HMBOX1: variants seen among roughly 807,000 people sequenced by gnomAD.
HMBOX1 encodes the protein homeobox-containing protein 1.
In HMBOX1, 14 loss-of-function variants were observed where a neutral mutation model predicts 54.5. The observed-to-expected ratio is 0.26, with a 90% confidence interval of 0.17 to 0.40. The LOEUF is 0.40. Among genes scored for constraint, HMBOX1 ranks in the 10% least tolerant of loss-of-function variants. HMBOX1 has a pLI of 1.00. For synonymous variants in HMBOX1, 160 were observed against 181.0 expected, an observed-to-expected ratio of 0.88 and a Z score of 0.93; for missense variants, 332 against 514.4, an observed-to-expected ratio of 0.65 and a Z score of 3.43.
chr8:29,044,240 T>G (rs1805258040), intron 6 of HMBOX1, among the ~76,000 whole-genome samples: 1 of 152,028 alleles, frequency 6.6e-6, no homozygotes, highest in Non-Finnish European at 1.5e-5. Flanking sequence ...GCTGAAGGCA[T>G]AAGAAAGGCT....
chr8:28,970,273 C>T lies in HMBOX1; in HGVS notation c.254C>T (p.Thr85Ile). 1.2e-6 allele frequency: 2 copies of T among 1,614,208 alleles called. No homozygotes were observed. Among genetic ancestry groups the T allele is most frequent in the Non-Finnish European group, 8.5e-7 (1 of 1,180,008 alleles). Residue 85 changes from threonine to isoleucine, a missense_variant, in exon 3 of 10, where the codon ACA becomes ATA. Transcript: ENST00000287701. The surrounding 1 kb of genome is among the most constrained non-coding windows in gnomAD (Gnocchi z 4.3). ...STNNVPASSSTATASTQTQHS... is the reference protein window; with the variant it reads ...STNNVPASSSIATASTQTQHS... ...AACAATGTCCCAGCATCTTCCTCTA[C>T]AGCTACAGCTTCCACACAGACGCAG...
intron 1 of HMBOX1, among the ~76,000 whole-genome samples, chr8:28,894,322 G>A (rs891959548): frequency 6.6e-6 from 1 of 152,088 alleles, no homozygotes; most frequent in Non-Finnish European, 1.5e-5. Context: ...TGAAATTGGT[G>A]TATATCTATC....
At chr8:29,030,445 C>T (rs1483798017) in intron 6 of HMBOX1, among the ~76,000 whole-genome samples, 2 of 152,058 alleles carry the variant, frequency 1.3e-5, no homozygotes, top group Non-Finnish European at 2.9e-5. Context: ...TCTTGAACTC[C>T]CAACCTCAGG....
chr8:29,039,455 G>A (rs1489020138), intron 6 of HMBOX1, among the ~76,000 whole-genome samples: 1 of 152,102 alleles, frequency 6.6e-6, no homozygotes, highest in Non-Finnish European at 1.5e-5. Flanking sequence ...GTACAAAATG[G>A]TGAAATCCTC....
intron 2 of HMBOX1, among the ~76,000 whole-genome samples, chr8:28,968,269 C>G (rs1007058816): frequency 3.9e-5 from 6 of 152,140 alleles, no homozygotes; most frequent in Non-Finnish European, 8.8e-5. Flanking sequence ...AAAACTATTA[C>G]TAGGACCCCT....
At position 29,012,427 on chromosome 8, in the gene HMBOX1, A is replaced by G. The variant is rs141312146; in HGVS notation, c.697+3245A>G. Among the ~76,000 whole-genome samples the G allele has an allele frequency of 3.0e-3, 453 of 152,350 alleles. 1 individual carries two copies. The highest frequency in any genetic ancestry group is 0.01 in the African/African-American group (429 of 41,580). On this transcript the variant is annotated intron_variant, in intron 5 of 9. Coordinates refer to ENST00000287701, the MANE Select transcript of HMBOX1 (RefSeq NM_001135726.3). ...GTACAATGGAATCTTATGGAGCCAT[A>G]TAACTACTTTTTGAAGGCAGCTTTA...
chr8:28,974,103 T>G (rs1827988747), intron 3 of HMBOX1, among the ~76,000 whole-genome samples: 1 of 152,088 alleles, frequency 6.6e-6, no homozygotes, highest in Non-Finnish European at 1.5e-5. Flanking sequence ...CATGAGCCAC[T>G]GTGCCCAGCT....
At chr8:28,963,680 A>G (rs1452364299) in intron 1 of HMBOX1, 131 bp from the exon 2 acceptor site, 10 of 491,528 alleles carry the variant, frequency 2.0e-5, no homozygotes, top group Non-Finnish European at 3.3e-5. Flanking sequence ...GTAGAATGCA[A>G]ATCAGAAGAT....
At chr8:29,009,479 A>AT in intron 5 of HMBOX1, 1 of 901,660 alleles carries the variant, frequency 1.1e-6, no homozygotes, top group Non-Finnish European at 1.3e-6. Flanking sequence ...TCAGTGGCTG[A>AT]TTTTGTTTTC....
intron 1 of HMBOX1, among the ~76,000 whole-genome samples, chr8:28,945,484 G>A (rs1231792112): frequency 6.6e-6 from 1 of 152,224 alleles, no homozygotes; most frequent in Non-Finnish European, 1.5e-5. Context: ...GGTAGGGAGA[G>A]TGGTTGAAAA....
chr8:29,038,931 C>T (rs1804377592), intron 6 of HMBOX1, among the ~76,000 whole-genome samples: 1 of 152,184 alleles, frequency 6.6e-6, no homozygotes, highest in Non-Finnish European at 1.5e-5. Context: ...ACACTAAACT[C>T]CTTCCCATTT....
intron 5 of HMBOX1, among the ~76,000 whole-genome samples, chr8:29,017,668 G>A (rs1835229690): frequency 6.6e-6 from 1 of 152,162 alleles, no homozygotes; most frequent in Non-Finnish European, 1.5e-5. Context: ...GGGAAAGACT[G>A]CAGGACAATA....
At chr8:29,008,550 CAAAT>C (rs1038096880) in intron 4 of HMBOX1, among the ~76,000 whole-genome samples, 16 of 151,914 alleles carry the variant, frequency 1.1e-4, no homozygotes, top group Non-Finnish European at 1.9e-4. Context: ...AATGAATTAA[CAAAT>C]AAGCCAAAAA....
intron 1 of HMBOX1, among the ~76,000 whole-genome samples, chr8:28,945,134 C>T (rs1822194574): frequency 6.6e-6 from 1 of 152,168 alleles, no homozygotes; most frequent in South Asian, 2.1e-4. Context: ...GATATGATAG[C>T]TTTTAGAAAG....
At chr8:28,904,528 G>A (rs1319286005) in intron 1 of HMBOX1, among the ~76,000 whole-genome samples, 2 of 152,130 alleles carry the variant, frequency 1.3e-5, no homozygotes, top group Non-Finnish European at 2.9e-5. Context: ...ACTGTGCCCA[G>A]CCCATTTCTC....
At chr8:28,954,064 CTG>C (rs1408436065) in intron 1 of HMBOX1, among the ~76,000 whole-genome samples, 1 of 152,018 alleles carries the variant, frequency 6.6e-6, no homozygotes. Flanking sequence ...CCTCTATGAG[CTG>C]TGTTTATTTT....
rs145868003 is a variant in HMBOX1 at position 28,918,966 on chromosome 8, T to C, written c.-58+28288T>C. On this transcript the variant is annotated intron_variant, in intron 1 of 9. Transcript: ENST00000287701. ...TATAGCAACTTTTAAAGTATTTCTT[T>C]ATACTATCAATTCTAAATAGAAAAA... is the stretch of plus-strand genomic sequence containing the variant. Among the ~76,000 whole-genome samples the C allele has an allele frequency of 6.2e-4, 94 of 152,372 alleles. No individual in the cohort carries two copies. The East Asian group carries it at 0.014, about 23-fold the overall frequency.
At chr8:29,006,550 A>T (rs907246339) in intron 4 of HMBOX1, among the ~76,000 whole-genome samples, 2 of 152,192 alleles carry the variant, frequency 1.3e-5, no homozygotes, top group African/African-American at 4.8e-5. Context: ...TATGCTCTAT[A>T]GCCTTGCCAG....
chr8:28,979,931 A>C (rs1452503735), intron 3 of HMBOX1, 140 bp from the exon 4 acceptor site: 1 of 625,284 alleles, frequency 1.6e-6, no homozygotes, highest in Admixed American at 2.8e-5. Flanking sequence ...TCATATTTTC[A>C]CACAAGTTTG....
Sources: gnomAD v4.1 joint callset for allele counts (sites outside exome capture counted in the v4.1 genomes callset) on GRCh38, gnomAD v4.1.1 for gene constraint, Gnocchi (gnomAD v3.1) non-coding constraint, MANE v1.5 for transcripts, NCBI Gene and HGNC (gene_info 2026-07-23, HGNC 2026-07-21) for gene names.